The following DNAJC2 variants were observed in gnomAD, a reference collection of about 807,000 sequenced individuals.
The protein encoded by DNAJC2 is DnaJ heat shock protein family (Hsp40) member C2, also known as dnaJ homolog subfamily C member 2.
Under a neutral mutation model 94.0 loss-of-function variants are expected in DNAJC2, and 32 were observed. The observed-to-expected ratio is 0.34, with a 90% CI of 0.26 to 0.46. The LOEUF (loss-of-function observed/expected upper bound fraction) is 0.46. Ranked by LOEUF, DNAJC2 falls within the 20% of genes least tolerant of loss-of-function variation. The pLI is 1.00. For missense variants in DNAJC2, 550 were observed against 719.5 expected (o/e 0.76, Z 2.69); for synonymous variants, 210 against 229.7 (o/e 0.91, Z 0.77).
chr7:103,323,735 T>G (rs548595946), intron 6 of DNAJC2, 72 bp from the exon 7 acceptor site: 145 of 1,157,152 alleles, frequency 1.3e-4, no homozygotes, highest in Middle Eastern at 4.1e-4. Flanking sequence ...TGCAAGTGAA[T>G]GAATTTGTTT....
intron 4 of DNAJC2, 147 bp downstream of exon 4, chr7:103,327,509 T>A: frequency 1.5e-6 from 1 of 688,192 alleles, no homozygotes; most frequent in South Asian, 1.8e-5. Flanking sequence ...TCTGGGGTGA[T>A]GATTAGAAAG....
intron 2 of DNAJC2, among the ~76,000 whole-genome samples, chr7:103,339,773 T>G (rs1819309039): frequency 6.6e-6 from 1 of 151,730 alleles, no homozygotes; most frequent in African/African-American, 2.4e-5. Context: ...GGTCCAGTGT[T>G]TTTTAAAATA....
At chr7:103,323,882 CTTCTT>C (rs1206968082) in intron 6 of DNAJC2, among the ~76,000 whole-genome samples, 1 of 152,184 alleles carries the variant, frequency 6.6e-6, no homozygotes, top group African/African-American at 2.4e-5. Context: ...CCTGCTATCT[CTTCTT>C]TGTTAGGTTT....
At chr7:103,333,718 T>A (rs1001283895) in intron 3 of DNAJC2, among the ~76,000 whole-genome samples, 2 of 152,222 alleles carry the variant, frequency 1.3e-5, no homozygotes, top group African/African-American at 4.8e-5. Context: ...CACTTTTGCA[T>A]GTTCTTGAGC....
At chr7:103,342,308 C>CTT (rs201599023) in intron 1 of DNAJC2, among the ~76,000 whole-genome samples, 8 of 143,094 alleles carry the variant, frequency 5.6e-5, no homozygotes, top group Non-Finnish European at 9.2e-5. Context: ...TATTTTTTTA[C>CTT]TTTTTTTTTT....
chr7:103,335,303 C>T (rs1455140235), intron 3 of DNAJC2: 4 of 152,134 alleles, frequency 2.6e-5, no homozygotes, highest in African/African-American at 9.7e-5. Context: ...AGTAACTTTG[C>T]ATTTTAACTT....
chr7:103,334,855 A>G (rs1586107455), intron 3 of DNAJC2, among the ~76,000 whole-genome samples: 1 of 152,168 alleles, frequency 6.6e-6, no homozygotes, highest in Non-Finnish European at 1.5e-5. Context: ...GCATTTTTTG[A>G]GGCAGTTTCC....
intron 15 of DNAJC2, 40 bp from the exon 16 acceptor site, chr7:103,313,141 C>A (rs1401469659): frequency 1.3e-6 from 2 of 1,577,530 alleles, no homozygotes; most frequent in East Asian, 4.5e-5. Context: ...TGTCTTTGAA[C>A]ATGTTCTCAG....
Position 103,319,679 on chromosome 7 carries a change from C to T in DNAJC2, c.1173-1G>A. The T allele has an allele frequency of 6.2e-7, 1 of 1,613,252 alleles. No individual in the cohort carries two copies. Among genetic ancestry groups the T allele is most frequent in the Non-Finnish European group, 8.5e-7 (1 of 1,179,810 alleles). ...GAGTGTTTCATTCAAGCACTGTAAG[C>T]TAAAGAAAAAAAAAGAAGAAATGAA... On this transcript the variant is annotated splice_acceptor_variant, in intron 11 of 16. Coordinates refer to ENST00000379263, the MANE Select transcript of DNAJC2 (RefSeq NM_014377.3). LOFTEE classifies it high-confidence loss of function.
At chr7:103,321,397 A>T (rs1376549176) in intron 10 of DNAJC2, among the ~76,000 whole-genome samples, 1 of 151,902 alleles carries the variant, frequency 6.6e-6, no homozygotes, top group Non-Finnish European at 1.5e-5. Context: ...AGGCACCTGT[A>T]ATCCCATCTA....
At chr7:103,337,604 T>G in intron 3 of DNAJC2, 132 bp downstream of exon 3, 1 of 711,560 alleles carries the variant, frequency 1.4e-6, no homozygotes, top group Non-Finnish European at 2.3e-6. Context: ...TTTTTGCTTG[T>G]TATGACAATA....
At chr7:103,330,919 T>G (rs1295692097) in intron 3 of DNAJC2, among the ~76,000 whole-genome samples, 1 of 151,760 alleles carries the variant, frequency 6.6e-6, no homozygotes, top group Non-Finnish European at 1.5e-5. Context: ...TACACACTTA[T>G]GGGGTGCATG....
chr7:103,322,745 G>C lies in DNAJC2; in HGVS notation c.769C>G (p.Gln257Glu). 6.2e-7 allele frequency: 1 copy of C among 1,609,520 alleles called. No individual in the cohort carries two copies. The highest frequency in any genetic ancestry group is 8.5e-7 in the Non-Finnish European group (1 of 1,179,610). The change falls in exon 8 of 17, where the codon CAA becomes GAA. Residue 257 changes from glutamine to glutamate, a missense_variant. Transcript: ENST00000379263. ...IEKQNRATRA[Q>E]RKKEEMNRIR... ...CTGTTCATTTCTTCTTTTTTTCTTTGTGCTCTTGTTGCTCTGTTCTGCTTT... is the reference window on the plus strand; with the variant it reads ...CTGTTCATTTCTTCTTTTTTTCTTTCTGCTCTTGTTGCTCTGTTCTGCTTT...
Position 103,312,395 on chromosome 7 carries a change from TA to T in DNAJC2, c.*173del. On this transcript the variant is annotated 3_prime_UTR_variant, in exon 17 of 17. Transcript: ENST00000379263. ...AATACTGTATCATACTTTCAAAGGATAAAAAGACTACCCCTCTGAAGGTTGT... is the reference window on the plus strand; with the variant it reads ...AATACTGTATCATACTTTCAAAGGATAAAAGACTACCCCTCTGAAGGTTGT... 6.6e-7 allele frequency: 1 copy of T among 1,518,646 alleles called. No individual in the cohort carries two copies. The highest frequency in any genetic ancestry group is 2.4e-4 in the Middle Eastern group (1 of 4,232). The allele number at this position is 1,518,646 out of a possible 1,614,324, so 94.1% of individuals were successfully genotyped here.
chr7:103,319,553 G>A, intron 12 of DNAJC2, 56 bp downstream of exon 12: 1 of 1,532,304 alleles, frequency 6.5e-7, no homozygotes, highest in Non-Finnish European at 9.0e-7. Context: ...TGAAGAAACA[G>A]GTCAAAGCAG....
chr7:103,332,571 C>T (rs1385761365), intron 3 of DNAJC2, among the ~76,000 whole-genome samples: 2 of 152,006 alleles, frequency 1.3e-5, no homozygotes, highest in Non-Finnish European at 2.9e-5. Flanking sequence ...ATTATCTGGG[C>T]CTAAAAATTG....
rs1818101900 is a variant in DNAJC2 at position 103,317,025 on chromosome 7, ATC to A, written c.1243-13_1243-12del. On this transcript the variant is annotated splice_polypyrimidine_tract_variant and intron_variant, in intron 12 of 16. Transcript: ENST00000379263. ...ATTTATTTCTTCTATCTGCACAAAT[ATC>A]ATAAGTCAGGGACTTAGAAGTATAC... The A allele has an allele frequency of 6.2e-7, 1 of 1,609,964 alleles. No homozygotes were observed. The highest frequency in any genetic ancestry group is 1.3e-5 in the African/African-American group (1 of 74,836).
chr7:103,323,878 A>C (rs1320088186), intron 6 of DNAJC2, among the ~76,000 whole-genome samples: 1 of 152,160 alleles, frequency 6.6e-6, no homozygotes, highest in Admixed American at 6.5e-5. Context: ...CCGCCCTGCT[A>C]TCTCTTCTTT....
chr7:103,332,081 T>C (rs926167529), intron 3 of DNAJC2, among the ~76,000 whole-genome samples: 1 of 151,938 alleles, frequency 6.6e-6, no homozygotes, highest in African/African-American at 2.4e-5. Context: ...CTTGGCTCAC[T>C]GCATGCTCTG....
Sources: allele counts gnomAD v4.1 joint callset (sites outside exome capture counted in the v4.1 genomes callset), GRCh38; gene constraint gnomAD v4.1.1; transcripts MANE v1.5; gene names NCBI Gene and HGNC (gene_info 2026-07-23, HGNC 2026-07-21).